The following RAVER2 variants were observed in gnomAD, a reference collection of about 807,000 sequenced individuals.
RAVER2 encodes ribonucleoprotein, PTB binding 2.
RAVER2 carries 46 observed loss-of-function variants against 78.1 expected under a neutral mutation model. That is an observed-to-expected ratio of 0.59 (90% CI 0.46 to 0.75). The LOEUF (loss-of-function observed/expected upper bound fraction) is 0.75. RAVER2 is among the 30% of genes least tolerant of loss of function. RAVER2 has a pLI of 0.00. For missense variants in RAVER2, 793 were observed against 837.5 expected (o/e 0.95, Z 0.66); for synonymous variants, 311 against 313.3 (o/e 0.99, Z 0.08).
chr1:64,827,877 A>G (rs1654037870), intron 11 of RAVER2, among the ~76,000 whole-genome samples: 1 of 152,200 alleles, frequency 6.6e-6, no homozygotes, highest in Admixed American at 6.5e-5. Flanking sequence ...ATATTCCAAG[A>G]TCAAGGGTAT....
intron 4 of RAVER2, among the ~76,000 whole-genome samples, chr1:64,787,577 G>A (rs1455508726): frequency 2.6e-5 from 4 of 152,148 alleles, no homozygotes; most frequent in Admixed American, 2.0e-4. Flanking sequence ...AGTGGGTGTG[G>A]GAGGACCTGA....
chr1:64,809,552 T>G (rs1653547993), intron 9 of RAVER2, among the ~76,000 whole-genome samples: 1 of 151,806 alleles, frequency 6.6e-6, no homozygotes, highest in African/African-American at 2.4e-5. Flanking sequence ...CTCCAACCTT[T>G]GAGAATTTTA....
At chr1:64,750,287 T>G (rs1189824979) in intron 1 of RAVER2, among the ~76,000 whole-genome samples, 1 of 151,630 alleles carries the variant, frequency 6.6e-6, no homozygotes, top group African/African-American at 2.4e-5. Context: ...TTTCTGCTCT[T>G]TCTCTTTTCT....
At chr1:64,767,062 A>T (rs1395142828) in intron 1 of RAVER2, among the ~76,000 whole-genome samples, 1 of 152,180 alleles carries the variant, frequency 6.6e-6, no homozygotes, top group African/African-American at 2.4e-5. Flanking sequence ...ACTGGTTGGT[A>T]ATAAAGAATA....
rs1570557722 is a variant in RAVER2, at chr1:64,789,158, C to T, written c.979-230C>T. On this transcript the variant is annotated intron_variant, in intron 4 of 11. Coordinates refer to ENST00000294428, the Ensembl canonical transcript of RAVER2. Reference sequence around the variant, plus strand: ...GACTCATTGTGCTAAATTGTCAGTCCTCTTAAAGCCAGTTGGTATTTACCT... The same window carrying T: ...GACTCATTGTGCTAAATTGTCAGTCTTCTTAAAGCCAGTTGGTATTTACCT... Among the ~76,000 whole-genome samples, 2 of 152,100 alleles carry T rather than the reference C, an allele frequency of 1.3e-5. 1 individual carries two copies. The highest frequency in any genetic ancestry group is 4.2e-4 in the South Asian group (2 of 4,818).
intron 6 of RAVER2, 65 bp downstream of exon 6, chr1:64,803,126 A>G (rs1653314385): frequency 1.6e-6 from 2 of 1,220,370 alleles, no homozygotes; most frequent in East Asian, 4.7e-5. Flanking sequence ...TTTGTTCTTA[A>G]CACTTAAAGT....
chr1:64,777,443 C>T (rs567378486), intron 2 of RAVER2, among the ~76,000 whole-genome samples, 180 bp from the exon 3 acceptor site: 10 of 152,142 alleles, frequency 6.6e-5, no homozygotes, highest in African/African-American at 1.7e-4. Flanking sequence ...CATTAAAAAA[C>T]GCACTGAAAT....
rs761384825 is a variant in RAVER2, at chr1:64,745,713, C to T, written c.249+292C>T. On this transcript the variant is annotated intron_variant, in intron 1 of 11. Coordinates refer to ENST00000294428, the Ensembl canonical transcript of RAVER2. This position sits in a 1 kb window ranked among gnomAD's most constrained non-coding sequence, Gnocchi z 4.3. ...TTCGGCCCGGTCTTTCCTTCCCCTACGGCCGTAGAGGAGTAGGAGGTGAAG... is the reference window on the plus strand; with the variant it reads ...TTCGGCCCGGTCTTTCCTTCCCCTATGGCCGTAGAGGAGTAGGAGGTGAAG... Among the ~76,000 whole-genome samples, 9 of 151,424 alleles carry T rather than the reference C, an allele frequency of 5.9e-5. No individual in the cohort carries two copies. Among genetic ancestry groups the T allele is most frequent in the Non-Finnish European group, 1.0e-4 (7 of 67,922 alleles).
At chr1:64,770,287 A>G (rs1232253078) in intron 2 of RAVER2, among the ~76,000 whole-genome samples, 1 of 152,034 alleles carries the variant, frequency 6.6e-6, no homozygotes, top group African/African-American at 2.4e-5. Context: ...GAATAGTGCT[A>G]TTCCCACTAG....
intron 1 of RAVER2, among the ~76,000 whole-genome samples, chr1:64,750,450 A>G (rs1174592529): frequency 6.6e-6 from 1 of 152,132 alleles, no homozygotes; most frequent in Non-Finnish European, 1.5e-5. Flanking sequence ...TTGGGACCAT[A>G]GGCATGCACC....
chr1:64,785,102 C>T (rs1652741715), intron 4 of RAVER2, among the ~76,000 whole-genome samples: 1 of 151,974 alleles, frequency 6.6e-6, no homozygotes, highest in Admixed American at 6.5e-5. Context: ...GCATGCAGGC[C>T]CTTTACAGTC....
At chr1:64,774,311 G>T (rs1652402781) in intron 2 of RAVER2, among the ~76,000 whole-genome samples, 1 of 152,112 alleles carries the variant, frequency 6.6e-6, no homozygotes, top group East Asian at 1.9e-4. Context: ...ATGGTTTTAG[G>T]TCTTACGTTT....
chr1:64,800,246 A>G (rs1252026757), intron 5 of RAVER2, among the ~76,000 whole-genome samples: 1 of 151,504 alleles, frequency 6.6e-6, no homozygotes, highest in Non-Finnish European at 1.5e-5. Flanking sequence ...GTACGTGTTC[A>G]CCCTATTGAT....
intron 11 of RAVER2, among the ~76,000 whole-genome samples, chr1:64,823,170 A>C (rs1203327410): frequency 6.6e-6 from 1 of 152,246 alleles, no homozygotes. Flanking sequence ...TTTAGAAATT[A>C]AGCTTCAACT....
intron 5 of RAVER2, among the ~76,000 whole-genome samples, chr1:64,800,133 T>TG (rs1368247812): frequency 4.7e-5 from 7 of 149,846 alleles, no homozygotes; most frequent in Non-Finnish European, 1.0e-4. Context: ...TGTTTTTTGT[T>TG]TTTTTTTTTT....
intron 3 of RAVER2, among the ~76,000 whole-genome samples, chr1:64,780,223 A>G (rs572224767): frequency 6.6e-6 from 1 of 152,330 alleles, no homozygotes; most frequent in African/African-American, 2.4e-5. Context: ...CTTGTGGTCA[A>G]GAGACCAAAA....
At chr1:64,811,443 G>A (rs1393742266) in intron 9 of RAVER2, among the ~76,000 whole-genome samples, 1 of 152,094 alleles carries the variant, frequency 6.6e-6, no homozygotes, top group Non-Finnish European at 1.5e-5. Context: ...TGCCACTAGC[G>A]ATACTAGAAG....
At chr1:64,803,826 A>G (rs2100872722) in intron 6 of RAVER2, among the ~76,000 whole-genome samples, 1 of 152,296 alleles carries the variant, frequency 6.6e-6, no homozygotes, top group South Asian at 2.1e-4. Context: ...TGTAACATTT[A>G]AAGTCTATGT....
intron 4 of RAVER2, among the ~76,000 whole-genome samples, chr1:64,786,549 G>A (rs1652784772): frequency 6.6e-6 from 1 of 152,160 alleles, no homozygotes. Context: ...CCAGCACTTC[G>A]GGTGGCCGAG....
Sources: gnomAD v4.1 joint callset for allele counts (sites outside exome capture counted in the v4.1 genomes callset) on GRCh38, gnomAD v4.1.1 for gene constraint, Gnocchi (gnomAD v3.1) non-coding constraint, MANE v1.5 for transcripts, NCBI Gene and HGNC (gene_info 2026-07-23, HGNC 2026-07-21) for gene names.